CHCHD3: variants seen among roughly 807,000 people sequenced by gnomAD.
The protein encoded by CHCHD3 is MICOS complex subunit MIC19.
A neutral mutation model predicts 38.2 loss-of-function variants in CHCHD3; 20 were observed. The observed-to-expected ratio is 0.52, with a 90% confidence interval of 0.37 to 0.76. The LOEUF (loss-of-function observed/expected upper bound fraction) is 0.76, where lower values mean the gene tolerates loss of function less well. Ranked by LOEUF, CHCHD3 falls within the 30% of genes least tolerant of loss-of-function variation. The probability of loss-of-function intolerance (pLI) is 0.00; values close to 1 mark genes in which losing one functional copy is unlikely to be tolerated. For synonymous variants in CHCHD3, 82 were observed against 100.0 expected (o/e 0.82, Z 1.07); for missense variants, 245 against 279.2 (o/e 0.88, Z 0.87).
At chr7:132,985,958 G>A (rs1211775604) in intron 3 of CHCHD3, among the ~76,000 whole-genome samples, 1 of 152,054 alleles carries the variant, frequency 6.6e-6, no homozygotes, top group East Asian at 1.9e-4. Context: ...TTGTGGAATA[G>A]AAAGGGGGAG....
intron 7 of CHCHD3, among the ~76,000 whole-genome samples, chr7:132,792,271 C>T (rs1806481128): frequency 6.6e-6 from 1 of 152,168 alleles, no homozygotes; most frequent in African/African-American, 2.4e-5. Context: ...TGGAGGGAGC[C>T]TGCATTTTCT....
intron 3 of CHCHD3, among the ~76,000 whole-genome samples, chr7:132,987,593 T>C (rs200708771): frequency 6.6e-6 from 1 of 152,194 alleles, no homozygotes; most frequent in African/African-American, 2.4e-5. Context: ...GAAGAAGCAG[T>C]GCCAGAACAC....
chr7:132,865,765 A>C (rs751461935), intron 5 of CHCHD3, among the ~76,000 whole-genome samples: 1 of 152,148 alleles, frequency 6.6e-6, no homozygotes, highest in Non-Finnish European at 1.5e-5. Context: ...GTTCCTATTT[A>C]TTGGGTAGCA....
At chr7:132,850,795 T>A (rs1315685817) in intron 5 of CHCHD3, among the ~76,000 whole-genome samples, 1 of 152,058 alleles carries the variant, frequency 6.6e-6, no homozygotes, top group African/African-American at 2.4e-5. Flanking sequence ...CATAAATACA[T>A]AGTTAGTAAA....
intron 7 of CHCHD3, among the ~76,000 whole-genome samples, chr7:132,793,397 G>A (rs1430791084): frequency 6.6e-6 from 1 of 152,216 alleles, no homozygotes; most frequent in Non-Finnish European, 1.5e-5. Flanking sequence ...CAGCCAGCCA[G>A]CTGGTAGCTT....
chr7:132,881,924 C>T (rs554645880), intron 5 of CHCHD3, among the ~76,000 whole-genome samples: 51 of 152,212 alleles, frequency 3.4e-4, no homozygotes, highest in African/African-American at 1.2e-3. Context: ...CTCACATATT[C>T]CTGGAAGAAA....
At chr7:132,865,455 G>A (rs1003912634) in intron 5 of CHCHD3, among the ~76,000 whole-genome samples, 1 of 152,154 alleles carries the variant, frequency 6.6e-6, no homozygotes, top group Non-Finnish European at 1.5e-5. Flanking sequence ...GCAAATAACA[G>A]CAATCAGGCC....
intron 2 of CHCHD3, among the ~76,000 whole-genome samples, chr7:133,027,362 TAAGAGA>T (rs1475298176): frequency 4.2e-5 from 4 of 95,862 alleles, no homozygotes; most frequent in Admixed American, 2.5e-4. Context: ...TAATAAGTTG[TAAGAGA>T]GAGAGAGAGA....
intron 1 of CHCHD3, among the ~76,000 whole-genome samples, chr7:133,072,500 A>G (rs1386813014): frequency 6.6e-6 from 1 of 152,134 alleles, no homozygotes; most frequent in East Asian, 1.9e-4. Context: ...CAGATACTTT[A>G]TCAGTAGCAG....
intron 4 of CHCHD3, among the ~76,000 whole-genome samples, chr7:132,932,033 G>A (rs6962471): frequency 0.2 from 30,615 of 152,086 alleles, 3,453 homozygotes; most frequent in South Asian, 0.27. Flanking sequence ...CCTGAATGAT[G>A]AATAGTTTAT....
At chr7:132,819,382 C>T (rs1167622537) in intron 6 of CHCHD3, among the ~76,000 whole-genome samples, 1 of 152,188 alleles carries the variant, frequency 6.6e-6, no homozygotes, top group Non-Finnish European at 1.5e-5. Context: ...TAAATGCACA[C>T]ACACGAGAAA....
chr7:132,863,042 T>C (rs1293725650), intron 5 of CHCHD3, among the ~76,000 whole-genome samples: 3 of 152,224 alleles, frequency 2.0e-5, no homozygotes, highest in Non-Finnish European at 4.4e-5. Flanking sequence ...AAACTCCTGT[T>C]AACTGATATT....
intron 4 of CHCHD3, among the ~76,000 whole-genome samples, chr7:132,927,728 A>G (rs1434899289): frequency 6.6e-6 from 1 of 152,240 alleles, no homozygotes; most frequent in African/African-American, 2.4e-5. Flanking sequence ...AAGTCAGAAC[A>G]GATTTCATAA....
At chr7:132,995,281 T>A (rs1485770856) in intron 3 of CHCHD3, among the ~76,000 whole-genome samples, 2 of 152,170 alleles carry the variant, frequency 1.3e-5, no homozygotes, top group African/African-American at 4.8e-5. Flanking sequence ...AATGTACACA[T>A]CTTGATGAGT....
chr7:132,792,599 T>C (rs1463307783), intron 7 of CHCHD3, among the ~76,000 whole-genome samples: 1 of 152,190 alleles, frequency 6.6e-6, no homozygotes, highest in Non-Finnish European at 1.5e-5. Context: ...TTGTACCAAA[T>C]AGGCCATGTC....
chr7:133,007,773 T>G (rs1812739979), intron 3 of CHCHD3, among the ~76,000 whole-genome samples: 1 of 152,222 alleles, frequency 6.6e-6, no homozygotes, highest in Admixed American at 6.5e-5. Flanking sequence ...AAATGTCCTC[T>G]AATTCATTAC....
rs189213448 is a variant in CHCHD3 at position 133,071,800 on chromosome 7, G to A, written c.82-1571C>T. Reference sequence around the variant, plus strand: ...CAGTGAAGTTATGACATGTGCTACCGTACAGATAGACCTAAAAATCATTAA... The same window carrying A: ...CAGTGAAGTTATGACATGTGCTACCATACAGATAGACCTAAAAATCATTAA... On this transcript the variant is annotated intron_variant, in intron 1 of 7. Transcript: ENST00000262570. Among the ~76,000 whole-genome samples the A allele has an allele frequency of 7.9e-5, 12 of 152,204 alleles. 1 individual carries two copies. The East Asian group carries it at 9.6e-4, about 12-fold the overall frequency.
chr7:132,946,739 A>T (rs960638366), intron 4 of CHCHD3, among the ~76,000 whole-genome samples: 2 of 151,866 alleles, frequency 1.3e-5, no homozygotes, highest in African/African-American at 4.8e-5. Flanking sequence ...CATCTTTATT[A>T]CTGAGATTAT....
chr7:132,907,535 G>T lies in CHCHD3; in HGVS notation c.370-21790C>A, dbSNP rs141067356. On this transcript the variant is annotated intron_variant, in intron 4 of 7. Coordinates refer to ENST00000262570, the MANE Select transcript of CHCHD3 (RefSeq NM_017812.4). ...GGACAAGAAACAGAGACACAGAGAAGGGAAGAAAGGAGGCCTCAGCAAGCC... is the reference window on the plus strand; with the variant it reads ...GGACAAGAAACAGAGACACAGAGAATGGAAGAAAGGAGGCCTCAGCAAGCC... Among the ~76,000 whole-genome samples, 19 of 152,264 alleles carry T rather than the reference G, an allele frequency of 1.2e-4. 1 individual carries two copies. The highest frequency in any genetic ancestry group is 3.4e-3 in the Middle Eastern group (1 of 294).
Sources: allele counts gnomAD v4.1 joint callset (sites outside exome capture counted in the v4.1 genomes callset), GRCh38; gene constraint gnomAD v4.1.1; transcripts MANE v1.5; gene names NCBI Gene and HGNC (gene_info 2026-07-23, HGNC 2026-07-21).